The following TMEM266 variants were observed in gnomAD, a reference collection of about 807,000 sequenced individuals.
The protein encoded by TMEM266 is transmembrane protein 266.
TMEM266 carries 33 observed loss-of-function variants against 50.5 expected under a neutral mutation model. The ratio of observed to expected loss-of-function variants is 0.65; its 90% confidence interval spans 0.50 to 0.87. The LOEUF is 0.87. Ranked by LOEUF, TMEM266 falls within the 40% of genes least tolerant of loss-of-function variation. TMEM266 has a pLI of 0.00. For missense variants in TMEM266, 655 were observed against 695.1 expected, an observed-to-expected ratio of 0.94 and a Z score of 0.65; for synonymous variants, 310 against 292.3, an observed-to-expected ratio of 1.06 and a Z score of -0.62.
intron 3 of TMEM266, among the ~76,000 whole-genome samples, chr15:76,154,111 C>G (rs564930387): frequency 6.6e-6 from 1 of 152,330 alleles, no homozygotes; most frequent in African/African-American, 2.4e-5. Context: ...CTCCGGACCC[C>G]TTGGCTCTTG....
At chr15:76,158,607 C>T (rs1044230896) in intron 4 of TMEM266, among the ~76,000 whole-genome samples, 3 of 152,186 alleles carry the variant, frequency 2.0e-5, no homozygotes, top group African/African-American at 7.2e-5. Flanking sequence ...TCATAAAAGG[C>T]ATCTTAAATT....
chr15:76,197,576 G>A (rs2456045), intron 9 of TMEM266, among the ~76,000 whole-genome samples: 83,004 of 152,164 alleles, frequency 0.55, 23,949 homozygotes, highest in African/African-American at 0.74. Flanking sequence ...GAAGGATTGA[G>A]CATTTAGTCA....
At chr15:76,067,646 A>G (rs1227644263) in intron 1 of TMEM266, among the ~76,000 whole-genome samples, 1 of 19,150 alleles carries the variant, frequency 5.2e-5, no homozygotes, top group Non-Finnish European at 1.1e-4. Context: ...AAAAAAAAAA[A>G]AAAGAAAAGA....
chr15:76,193,190 C>T (rs1267465528), intron 9 of TMEM266, among the ~76,000 whole-genome samples: 1 of 152,110 alleles, frequency 6.6e-6, no homozygotes, highest in Non-Finnish European at 1.5e-5. Flanking sequence ...GCTCTGAGGG[C>T]TGTAAGGCAC....
intron 1 of TMEM266, among the ~76,000 whole-genome samples, chr15:76,082,221 G>A (rs8028899): frequency 0.016 from 2,440 of 152,284 alleles, 68 homozygotes; most frequent in African/African-American, 0.056. Context: ...TTTAGCAAAT[G>A]TATGTTATGC....
chr15:76,121,958 ATAG>A (rs2037353608), intron 1 of TMEM266, among the ~76,000 whole-genome samples: 1 of 152,222 alleles, frequency 6.6e-6, no homozygotes, highest in Non-Finnish European at 1.5e-5. Context: ...AATGTTTAGT[ATAG>A]TTCCTGGAAC....
chr15:76,147,444 G>A (rs1489906169), intron 3 of TMEM266, among the ~76,000 whole-genome samples: 1 of 152,030 alleles, frequency 6.6e-6, no homozygotes, highest in African/African-American at 2.4e-5. Context: ...TTTTTTCTCA[G>A]GGAGGAAAAG....
intron 1 of TMEM266, among the ~76,000 whole-genome samples, chr15:76,075,837 CTTTTTTTTTTTTTTTTTTTTTTTTTT>C (rs71140194): frequency 4.2e-5 from 1 of 23,574 alleles, no homozygotes; most frequent in African/African-American, 1.2e-4. Context: ...GAGAAGGCAG[CTTTTTTTTTTTTTTTTTTTTTTTTTT>C]TTTTTTTTTT....
intron 1 of TMEM266, among the ~76,000 whole-genome samples, chr15:76,067,199 AT>A (rs1455208870): frequency 6.6e-6 from 1 of 152,210 alleles, no homozygotes; most frequent in Non-Finnish European, 1.5e-5. Flanking sequence ...TGGGTTTGAA[AT>A]TACACAGACA....
intron 1 of TMEM266, among the ~76,000 whole-genome samples, chr15:76,088,435 T>A (rs2036803363): frequency 6.6e-6 from 1 of 152,118 alleles, no homozygotes; most frequent in Non-Finnish European, 1.5e-5. Flanking sequence ...GGAGGATCCC[T>A]TGAGCCCAGG....
chr15:76,145,148 A>G (rs1184593750), intron 3 of TMEM266, among the ~76,000 whole-genome samples: 1 of 151,992 alleles, frequency 6.6e-6, no homozygotes, highest in Non-Finnish European at 1.5e-5. Context: ...TCATCTCTGC[A>G]CTCTGCTGGC....
intron 2 of TMEM266, 37 bp downstream of exon 2, chr15:76,134,338 C>A: frequency 6.3e-7 from 1 of 1,598,058 alleles, no homozygotes; most frequent in Non-Finnish European, 8.6e-7. Context: ...GGATCCAGAA[C>A]TGTGGCTATA....
chr15:76,168,882 G>A lies in TMEM266; in HGVS notation c.457-934G>A, dbSNP rs962090144. Among the ~76,000 whole-genome samples, 6 of 152,176 alleles carry A rather than the reference G, an allele frequency of 3.9e-5. No homozygotes were observed. Among genetic ancestry groups the A allele is most frequent in the Non-Finnish European group, 7.3e-5 (5 of 68,040 alleles). On this transcript the variant is annotated intron_variant, in intron 5 of 10. Coordinates refer to ENST00000388942, the MANE Select transcript of TMEM266 (RefSeq NM_152335.3). This position sits in a 1 kb window ranked among gnomAD's most constrained non-coding sequence, Gnocchi z 4.4. ...TGTGCAAGAGCTTCATGGAGGTGAC[G>A]TTCAAGCCAGAAGGACAGGAAGGGG...
chr15:76,181,742 G>A (rs1361138659), intron 8 of TMEM266, among the ~76,000 whole-genome samples: 1 of 152,118 alleles, frequency 6.6e-6, no homozygotes, highest in Non-Finnish European at 1.5e-5. Flanking sequence ...AGCCATTTTA[G>A]ATGCAGCAGT....
chr15:76,203,648 C>G, intron 10 of TMEM266, 93 bp from the exon 11 acceptor site: 1 of 1,214,244 alleles, frequency 8.2e-7, no homozygotes, highest in Non-Finnish European at 1.2e-6. Flanking sequence ...TAGCCACACT[C>G]ATTGCCCACC....
At chr15:76,112,657 T>C (rs965277158) in intron 1 of TMEM266, 9 of 152,188 alleles carry the variant, frequency 5.9e-5, no homozygotes, top group African/African-American at 2.2e-4. Flanking sequence ...TTATTGAGAC[T>C]TTTTGAATGC....
At chr15:76,186,938 C>T (rs778621165) in intron 8 of TMEM266, among the ~76,000 whole-genome samples, 1 of 152,128 alleles carries the variant, frequency 6.6e-6, no homozygotes, top group Admixed American at 6.5e-5. Context: ...CCCTCTGGCC[C>T]TTGTACACAC....
chr15:76,108,060 G>C (rs1398900044), intron 1 of TMEM266, among the ~76,000 whole-genome samples: 11 of 152,230 alleles, frequency 7.2e-5, no homozygotes, highest in Admixed American at 7.2e-4. Flanking sequence ...GAGCAGCTGA[G>C]CCTGGCTACG....
At chr15:76,185,641 CAT>C (rs1289745652) in intron 8 of TMEM266, among the ~76,000 whole-genome samples, 4 of 152,192 alleles carry the variant, frequency 2.6e-5, no homozygotes, top group South Asian at 2.1e-4. Context: ...TTGATAACCA[CAT>C]GTTTTTCTGC....
Sources: allele counts gnomAD v4.1 joint callset (sites outside exome capture counted in the v4.1 genomes callset), GRCh38; gene constraint gnomAD v4.1.1; non-coding constraint Gnocchi (gnomAD v3.1); transcripts MANE v1.5; gene names NCBI Gene and HGNC (gene_info 2026-07-23, HGNC 2026-07-21).